The following ETFDH variants were observed in gnomAD, a reference collection of about 807,000 sequenced individuals.
The protein encoded by ETFDH is electron transfer flavoprotein dehydrogenase.
ETFDH carries 61 observed loss-of-function variants against 73.2 expected under a neutral mutation model. The ratio of observed to expected loss-of-function variants is 0.83; its 90% CI spans 0.68 to 1.03. ETFDH has a LOEUF of 1.03. Among genes scored for constraint, ETFDH ranks in the 50% least tolerant of loss-of-function variants. The probability of loss-of-function intolerance (pLI) is 0.00; values close to 1 mark genes in which losing one functional copy is unlikely to be tolerated. For missense variants in ETFDH, 685 were observed against 745.0 expected (o/e 0.92, Z 0.94); for synonymous variants, 243 against 253.3 (o/e 0.96, Z 0.39).
In ETFDH at chr4:158,682,315, G is replaced by A. The variant is rs376630579; in HGVS notation, c.296G>A (p.Arg99His). The change falls in exon 3 of 13, where the codon CGT (arginine) becomes CAT (histidine). Residue 99 changes from arginine (R) to histidine (H), a missense_variant. Physicochemically the swap from Arg to His is conservative, Grantham distance 29. Coordinates refer to ENST00000511912, the MANE Select transcript of ETFDH (RefSeq NM_004453.4). ...QLAVAHEKDI[R>H]VCLVEKAAQI... Reference sequence around the variant, plus strand: ...GCTGTGGCACATGAAAAGGACATCCGTGTGTGTCTAGTGGAGAAAGCTGCC... The same window carrying A: ...GCTGTGGCACATGAAAAGGACATCCATGTGTGTCTAGTGGAGAAAGCTGCC... The A allele has an allele frequency of 1.9e-5, 30 of 1,614,058 alleles. No individual in the cohort carries two copies. Among genetic ancestry groups the A allele is most frequent in the East Asian group, 2.2e-5 (1 of 44,896 alleles).
rs1373001793 is a variant in ETFDH at position 158,684,657 on chromosome 4, T to C, written c.471T>C (p.Pro157=). Residue 157 remains proline (P), a synonymous_variant, in exon 4 of 13, where the codon CCT becomes CCC. Coordinates refer to ENST00000511912, the MANE Select transcript of ETFDH (RefSeq NM_004453.4). ...FGILTEKYRI[P]VPILPGLPMN... Reference sequence around the variant, plus strand: ...TTTTAACAGAGAAATACAGAATTCCTGTGCCAATTCTTCCAGGTAAGGTAT... The same window carrying C: ...TTTTAACAGAGAAATACAGAATTCCCGTGCCAATTCTTCCAGGTAAGGTAT... 3 of 1,562,010 alleles carry C rather than the reference T, an allele frequency of 1.9e-6. No individual in the cohort carries two copies. Among genetic ancestry groups the C allele is most frequent in the Non-Finnish European group, 2.6e-6 (3 of 1,132,682 alleles).
At position 158,703,592 on chromosome 4, in the gene ETFDH, G is replaced by A. The variant is rs767046886; in HGVS notation, c.1285+1G>A. The stretch of plus-strand genomic sequence containing the variant: ...GAAAATCTCCAATCAAAGACAATAG[G>A]TAAGAAATTCCTGTGTAAAGTATAC... On this transcript the variant is annotated splice_donor_variant, in intron 10 of 12. Transcript: ENST00000511912. LOFTEE classifies it high-confidence loss of function. 5 of 1,573,260 alleles carry A rather than the reference G, an allele frequency of 3.2e-6. No homozygotes were observed. Among genetic ancestry groups the A allele is most frequent in the Non-Finnish European group, 3.5e-6 (4 of 1,143,688 alleles).
At chr4:158,689,822 G>C (rs1469527750) in intron 5 of ETFDH, among the ~76,000 whole-genome samples, 2 of 151,202 alleles carry the variant, frequency 1.3e-5, no homozygotes, top group African/African-American at 4.9e-5. Flanking sequence ...CTCCTCATCA[G>C]AATTACACTT....
chr4:158,696,618 G>C (rs746941377), intron 7 of ETFDH, among the ~76,000 whole-genome samples: 3 of 152,122 alleles, frequency 2.0e-5, no homozygotes, highest in Non-Finnish European at 4.4e-5. Flanking sequence ...ATAAGGGTTT[G>C]TTTTGATAGA....
intron 9 of ETFDH, among the ~76,000 whole-genome samples, chr4:158,702,506 G>A (rs183221439): frequency 2.6e-5 from 4 of 151,410 alleles, no homozygotes; most frequent in Non-Finnish European, 1.5e-5. Flanking sequence ...AGTAGCCACT[G>A]TTCTACTCTC....
rs1224985586 is a variant in ETFDH at position 158,672,407 on chromosome 4, G to A, written c.-50G>A. ...AGAGGTCCAGCGCCCGCCGCGAGCA[G>A]CGGACAGTCCTCCTGTTGTGTCCGA... On this transcript the variant is annotated 5_prime_UTR_variant, in exon 1 of 13. Coordinates refer to ENST00000511912, the MANE Select transcript of ETFDH (RefSeq NM_004453.4). The A allele has an allele frequency of 6.2e-7, 1 of 1,608,794 alleles. No homozygotes were observed. The highest frequency in any genetic ancestry group is 2.2e-5 in the East Asian group (1 of 44,868).
At chr4:158,703,673 C>A in intron 10 of ETFDH, 82 bp downstream of exon 10, 2 of 842,562 alleles carry the variant, frequency 2.4e-6, no homozygotes, top group Non-Finnish European at 4.1e-6. Context: ...ATTTGTATTG[C>A]ATCTGTCACT....
At chr4:158,690,768 C>G (rs892224929) in intron 6 of ETFDH, among the ~76,000 whole-genome samples, 2 of 152,080 alleles carry the variant, frequency 1.3e-5, no homozygotes, top group Non-Finnish European at 2.9e-5. Flanking sequence ...TGTTGGGATG[C>G]CAAGGCAGAT....
intron 6 of ETFDH, among the ~76,000 whole-genome samples, chr4:158,692,284 C>T (rs1201422803): frequency 6.6e-6 from 1 of 151,780 alleles, no homozygotes; most frequent in South Asian, 2.1e-4. Flanking sequence ...CCTGTAATCC[C>T]AGCTGTTCGG....
chr4:158,697,468 C>T (rs1774337467), intron 7 of ETFDH, 91 bp from the exon 8 acceptor site: 2 of 1,038,282 alleles, frequency 1.9e-6, no homozygotes, highest in African/African-American at 3.2e-5. Context: ...ATAAATAAGA[C>T]ATTAAACCTG....
chr4:158,680,378 A>G, intron 1 of ETFDH, 89 bp from the exon 2 acceptor site: 1 of 868,748 alleles, frequency 1.2e-6, no homozygotes, highest in East Asian at 2.5e-5. Context: ...CACTATACTC[A>G]TTGAGTATAG....
Position 158,684,621 on chromosome 4 carries a change from C to A in ETFDH, c.435C>A (p.Asp145Glu). The change falls in exon 4 of 13, where the codon GAC (aspartate) becomes GAA (glutamate). Residue 145 changes from aspartate (D) to glutamate (E), a missense_variant. Physicochemically the swap from Asp to Glu is conservative, Grantham distance 45. Transcript: ENST00000511912. ...GAPLNTPVTEDRFGILTEKYR... is the reference protein window; with the variant it reads ...GAPLNTPVTEERFGILTEKYR... ...CACTTAACACTCCTGTAACAGAAGA[C>A]AGATTTGGAATTTTAACAGAGAAAT... The A allele has an allele frequency of 6.3e-7, 1 of 1,584,880 alleles. No homozygotes were observed. The highest frequency in any genetic ancestry group is 8.7e-7 in the Non-Finnish European group (1 of 1,153,550).
Position 158,706,798 on chromosome 4 carries a change from A to C in ETFDH, c.1638A>C (p.Val546=), listed in dbSNP as rs1159338289. The C allele has an allele frequency of 6.2e-7, 1 of 1,613,976 alleles. No homozygotes were observed. The highest frequency in any genetic ancestry group is 8.5e-7 in the Non-Finnish European group (1 of 1,179,846). ...CCTTAAGGGATGACAGTATACCTGT[A>C]AATAGAAATCTGTCGATATATGATG... ...HLTLRDDSIP[V]NRNLSIYDGP... Residue 546 remains valine, a synonymous_variant, in exon 12 of 13, where the codon GTA becomes GTC. Coordinates refer to ENST00000511912, the MANE Select transcript of ETFDH (RefSeq NM_004453.4).
intron 1 of ETFDH, among the ~76,000 whole-genome samples, chr4:158,678,465 T>TA (rs1773765827): frequency 6.6e-6 from 1 of 152,186 alleles, no homozygotes; most frequent in Admixed American, 6.5e-5. Flanking sequence ...ATACATGGTA[T>TA]CAATATGTCT....
At chr4:158,692,370 A>G (rs1263834449) in intron 6 of ETFDH, among the ~76,000 whole-genome samples, 1 of 147,550 alleles carries the variant, frequency 6.8e-6, no homozygotes, top group African/African-American at 2.5e-5. Flanking sequence ...ACTGCACTCC[A>G]GCCTGGGCTA....
Position 158,706,194 on chromosome 4 carries a change from C to A in ETFDH, c.1291C>A (p.His431Asn). Residue 431 changes from histidine to asparagine, a missense_variant, in exon 11 of 13, where the codon CAT becomes AAT. His to Asn is a moderately conservative substitution (Grantham distance 68, BLOSUM62 1). Around this residue, in one of 3 missense-constraint regions of ETFDH, gnomAD observed 79 missense variants for 120.5 expected, o/e 0.66. Transcript: ENST00000511912. ...ENLQSKTIGL[H>N]VTEYEDNLKN... is the part of the protein sequence containing the mutation. ...TTTCATGTTTTTAATAAAAGGACTCCATGTAACTGAATATGAGGACAATTT... is the reference window on the plus strand; with the variant it reads ...TTTCATGTTTTTAATAAAAGGACTCAATGTAACTGAATATGAGGACAATTT... The A allele has an allele frequency of 6.2e-7, 1 of 1,604,894 alleles. No homozygotes were observed. Among genetic ancestry groups the A allele is most frequent in the Non-Finnish European group, 8.5e-7 (1 of 1,171,544 alleles).
chr4:158,690,127 T>G (rs903602470), intron 5 of ETFDH, among the ~76,000 whole-genome samples: 4 of 152,128 alleles, frequency 2.6e-5, no homozygotes, highest in African/African-American at 7.2e-5. Flanking sequence ...ATCAAGGTTG[T>G]GGCATTGTTT....
intron 2 of ETFDH, among the ~76,000 whole-genome samples, chr4:158,681,370 T>C (rs1364345048): frequency 6.6e-6 from 1 of 152,184 alleles, no homozygotes; most frequent in Non-Finnish European, 1.5e-5. Flanking sequence ...TGTGTTTGTG[T>C]TTTAGCTAAG....
At chr4:158,688,816 T>G (rs147906576) in intron 5 of ETFDH, among the ~76,000 whole-genome samples, 1 of 152,396 alleles carries the variant, frequency 6.6e-6, no homozygotes, top group East Asian at 1.9e-4. Flanking sequence ...ACATGTTAAC[T>G]GTTTTTACAG....
Sources: allele counts gnomAD v4.1 joint callset (sites outside exome capture counted in the v4.1 genomes callset), GRCh38; gene constraint gnomAD v4.1.1; regional missense constraint gnomAD v4.1.1; transcripts MANE v1.5; gene names NCBI Gene and HGNC (gene_info 2026-07-23, HGNC 2026-07-21).